The following KPNA1 variants were observed in gnomAD, a reference collection of about 807,000 sequenced individuals.
KPNA1 encodes the protein importin subunit alpha-5.
Under a neutral mutation model 70.5 loss-of-function variants are expected in KPNA1, and 10 were observed. The observed-to-expected ratio is 0.14, with a 90% CI of 0.09 to 0.24. The LOEUF is 0.24. Ranked by LOEUF, KPNA1 falls within the 10% of genes least tolerant of loss-of-function variation. KPNA1 has a pLI of 1.00. For synonymous variants in KPNA1, 192 were observed against 221.9 expected (o/e 0.87, Z 1.20); for missense variants, 397 against 637.9 (o/e 0.62, Z 4.07).
chr3:122,427,033 C>T lies in KPNA1; in HGVS notation c.1569G>A (p.Gln523=), dbSNP rs781707034. The T allele has an allele frequency of 3.8e-5, 61 of 1,614,054 alleles. No individual in the cohort carries two copies. Among genetic ancestry groups the T allele is most frequent in the Non-Finnish European group, 5.1e-5 (60 of 1,180,038 alleles). ...IAPQVDLNQQ[Q]YIFQQCEAPM... ...GAGCCTCACACTGTTGGAAGATGTACTGCTGCTGGTTAAGGTCAACCTGGG... is the reference window on the plus strand; with the variant it reads ...GAGCCTCACACTGTTGGAAGATGTATTGCTGCTGGTTAAGGTCAACCTGGG... Residue 523 remains glutamine (Q), a synonymous_variant, in exon 14 of 14, where the codon CAG becomes CAA. Transcript: ENST00000344337.
At chr3:122,512,266 CTG>C (rs1282755822) in intron 1 of KPNA1, among the ~76,000 whole-genome samples, 1 of 151,614 alleles carries the variant, frequency 6.6e-6, no homozygotes, top group Non-Finnish European at 1.5e-5. Context: ...TCTCTAAGGT[CTG>C]TATTTTATAG....
chr3:122,483,972 T>C (rs1162919866), intron 2 of KPNA1, among the ~76,000 whole-genome samples: 1 of 152,262 alleles, frequency 6.6e-6, no homozygotes, highest in Non-Finnish European at 1.5e-5. Flanking sequence ...ATGTTATTTT[T>C]TAGCAGAATT....
chr3:122,493,529 A>G lies in KPNA1; in HGVS notation c.129+2908T>C, dbSNP rs563940597. ...CAAAGAGCCTTGGAAAGCCTCAGGA[A>G]TTTTTCTTAATTGAGCTGTAACGGA... On this transcript the variant is annotated intron_variant, in intron 2 of 13. Coordinates refer to ENST00000344337, the MANE Select transcript of KPNA1 (RefSeq NM_002264.4). 2.6e-5 allele frequency among the ~76,000 whole-genome samples: 4 copies of G among 152,276 alleles called. No homozygotes were observed. The East Asian group carries it at 7.7e-4, about 29-fold the overall frequency.
intron 12 of KPNA1, chr3:122,432,793 G>A (rs189397768): frequency 6.6e-6 from 1 of 152,212 alleles, no homozygotes; most frequent in East Asian, 1.9e-4. Flanking sequence ...AAGCTTATAA[G>A]CTGCTCGTCG....
intron 2 of KPNA1, among the ~76,000 whole-genome samples, chr3:122,473,630 A>G (rs2076466877): frequency 6.6e-6 from 1 of 152,204 alleles, no homozygotes; most frequent in Non-Finnish European, 1.5e-5. Context: ...TCACACACCC[A>G]TATCAATAGA....
At chr3:122,445,049 T>G (rs1467684787) in intron 9 of KPNA1, among the ~76,000 whole-genome samples, 2 of 152,224 alleles carry the variant, frequency 1.3e-5, no homozygotes, top group African/African-American at 4.8e-5. Context: ...GGACGGAGAA[T>G]AACTTTGACG....
chr3:122,482,391 T>C (rs1352585214), intron 2 of KPNA1, among the ~76,000 whole-genome samples: 5 of 152,208 alleles, frequency 3.3e-5, no homozygotes, highest in Non-Finnish European at 5.9e-5. Context: ...AAACCTGTCA[T>C]TAACATCACA....
In KPNA1 at chr3:122,464,006, TATC is replaced by T. The variant is rs1560035502; in HGVS notation, c.270_272del (p.Met90del). On this transcript the variant is annotated inframe_deletion, in exon 4 of 14. Transcript: ENST00000344337. ...GCTGTTGCTCTGGGCTTTTGGAAAATATCATTTCAATCATGTCAGAAGTGATGA... is the reference window on the plus strand; with the variant it reads ...GCTGTTGCTCTGGGCTTTTGGAAAATATTTCAATCATGTCAGAAGTGATGA... The T allele has an allele frequency of 6.2e-7, 1 of 1,606,522 alleles. No individual in the cohort carries two copies. The highest frequency in any genetic ancestry group is 1.1e-5 in the South Asian group (1 of 90,170).
intron 2 of KPNA1, among the ~76,000 whole-genome samples, chr3:122,491,292 T>A (rs978317700): frequency 1.3e-5 from 2 of 152,200 alleles, no homozygotes; most frequent in Non-Finnish European, 2.9e-5. Flanking sequence ...GATCTTTAAG[T>A]ACTACAGGTC....
intron 10 of KPNA1, among the ~76,000 whole-genome samples, chr3:122,441,506 A>G (rs1210410490): frequency 6.6e-6 from 1 of 152,238 alleles, no homozygotes; most frequent in Non-Finnish European, 1.5e-5. Flanking sequence ...CTGCCTGACC[A>G]AAAAATAGTC....
In KPNA1 at chr3:122,481,279, T is replaced by C. The variant is rs187937268; in HGVS notation, c.130-13850A>G. On this transcript the variant is annotated intron_variant, in intron 2 of 13. Transcript: ENST00000344337. ...AATAGTAAAAAAGTTAATCCAAATG[T>C]CCAACAACTGAGTCAATAAACAAAA... is the stretch of plus-strand genomic sequence containing the variant. Among the ~76,000 whole-genome samples, 1,075 of 152,252 alleles carry C rather than the reference T, an allele frequency of 7.1e-3. 8 individuals carry two copies. Among genetic ancestry groups the C allele is most frequent in the Non-Finnish European group, 0.011 (771 of 68,016 alleles).
intron 2 of KPNA1, among the ~76,000 whole-genome samples, chr3:122,471,710 T>C (rs889522008): frequency 1.3e-4 from 19 of 151,948 alleles, no homozygotes; most frequent in African/African-American, 4.4e-4. Flanking sequence ...GGCATGGTGG[T>C]ACATGTCTTG....
chr3:122,446,933 A>C (rs1434930869), intron 9 of KPNA1, among the ~76,000 whole-genome samples: 1 of 152,252 alleles, frequency 6.6e-6, no homozygotes, highest in Admixed American at 6.5e-5. Context: ...AAATGGATAC[A>C]TTCCTGGACA....
At chr3:122,482,718 TA>T (rs1234995237) in intron 2 of KPNA1, among the ~76,000 whole-genome samples, 3 of 152,098 alleles carry the variant, frequency 2.0e-5, no homozygotes, top group African/African-American at 7.2e-5. Flanking sequence ...AACTGAAATC[TA>T]AAAAATAACA....
chr3:122,470,549 TAAAA>T (rs1462644618), intron 2 of KPNA1, among the ~76,000 whole-genome samples: 1 of 150,842 alleles, frequency 6.6e-6, no homozygotes, highest in Non-Finnish European at 1.5e-5. Context: ...AATAAATAAA[TAAAA>T]ATTTTTAAAA....
At chr3:122,469,322 G>A (rs1010722423) in intron 2 of KPNA1, among the ~76,000 whole-genome samples, 7 of 151,974 alleles carry the variant, frequency 4.6e-5, no homozygotes, top group African/African-American at 1.5e-4. Context: ...AAACCTCCAC[G>A]AGCAGGAGAC....
At chr3:122,514,078 T>C (rs1161104165) in intron 1 of KPNA1, among the ~76,000 whole-genome samples, 2 of 152,204 alleles carry the variant, frequency 1.3e-5, no homozygotes, top group Admixed American at 6.5e-5. Flanking sequence ...CTTAATCCGA[T>C]ACCTCGCTGC....
chr3:122,514,577 CG>C (rs2076996084), intron 1 of KPNA1, 179 bp downstream of exon 1: 1 of 152,156 alleles, frequency 6.6e-6, no homozygotes, highest in Admixed American at 6.6e-5. Flanking sequence ...GCCTTGTGGC[CG>C]TTAGGACAGC....
intron 2 of KPNA1, among the ~76,000 whole-genome samples, chr3:122,488,827 G>A (rs2076660481): frequency 6.6e-6 from 1 of 152,202 alleles, no homozygotes; most frequent in Non-Finnish European, 1.5e-5. Context: ...GGTTTGAGCA[G>A]TTTGGCTATG....
Sources: allele counts gnomAD v4.1 joint callset (sites outside exome capture counted in the v4.1 genomes callset), GRCh38; gene constraint gnomAD v4.1.1; transcripts MANE v1.5; gene names NCBI Gene and HGNC (gene_info 2026-07-23, HGNC 2026-07-21).